TAOK3: variants seen among roughly 807,000 people sequenced by gnomAD.
TAOK3 encodes TAO kinase 3, also known as serine/threonine-protein kinase TAO3.
TAOK3 carries 40 observed loss-of-function variants against 120.4 expected under a neutral mutation model. That is an observed-to-expected ratio of 0.33 (90% CI 0.26 to 0.43). TAOK3 has a LOEUF of 0.43. Ranked by LOEUF, TAOK3 falls within the 20% of genes least tolerant of loss-of-function variation. TAOK3 has a pLI of 1.00. For missense variants in TAOK3, 821 were observed against 1,112.1 expected (o/e 0.74, Z 3.72); for synonymous variants, 355 against 387.5 (o/e 0.92, Z 0.99).
chr12:118,229,226 T>C (rs535820912), intron 9 of TAOK3, among the ~76,000 whole-genome samples: 127 of 151,976 alleles, frequency 8.4e-4, no homozygotes, highest in African/African-American at 3.0e-3. Flanking sequence ...TCAGCCTCCC[T>C]AGTAGCTGGG....
At chr12:118,249,671 A>G (rs1386753158) in intron 3 of TAOK3, among the ~76,000 whole-genome samples, 2 of 151,694 alleles carry the variant, frequency 1.3e-5, no homozygotes, top group Middle Eastern at 3.4e-3. Flanking sequence ...AAAAAATTAA[A>G]ACCAAAATTA....
At chr12:118,185,637 A>C (rs560316720) in intron 14 of TAOK3, among the ~76,000 whole-genome samples, 2 of 152,336 alleles carry the variant, frequency 1.3e-5, no homozygotes, top group East Asian at 3.9e-4. Context: ...CTGTTTTTTA[A>C]ATTTTTGCTA....
intron 1 of TAOK3, among the ~76,000 whole-genome samples, chr12:118,293,264 T>C (rs1176901181): frequency 6.6e-6 from 1 of 152,246 alleles, no homozygotes; most frequent in East Asian, 1.9e-4. Flanking sequence ...TGCCTCTATG[T>C]TCTTAAATTG....
chr12:118,187,164 T>C (rs2037126208), intron 14 of TAOK3, among the ~76,000 whole-genome samples: 1 of 152,246 alleles, frequency 6.6e-6, no homozygotes, highest in African/African-American at 2.4e-5. Context: ...TGTTCACCTT[T>C]GGACCTCTTT....
At chr12:118,299,578 C>T (rs570613561) in intron 1 of TAOK3, among the ~76,000 whole-genome samples, 29 of 152,186 alleles carry the variant, frequency 1.9e-4, no homozygotes, top group African/African-American at 6.3e-4. Context: ...GGCTCGATCT[C>T]GGCTCACTGC....
intron 13 of TAOK3, 27 bp downstream of exon 13, chr12:118,199,024 C>T (rs2037885832): frequency 1.2e-6 from 2 of 1,613,346 alleles, no homozygotes; most frequent in Non-Finnish European, 8.5e-7. Flanking sequence ...CAAAGCTCAC[C>T]TCTGTGGAGG....
chr12:118,208,412 A>G (rs1329549879), intron 11 of TAOK3, among the ~76,000 whole-genome samples: 1 of 92,150 alleles, frequency 1.1e-5, no homozygotes, highest in Non-Finnish European at 2.3e-5. Flanking sequence ...AAGAATGTCA[A>G]AAGAGAAATA....
At position 118,152,309 on chromosome 12, in the gene TAOK3, A is replaced by G. The variant is rs1486057400; in HGVS notation, c.2453T>C (p.Met818Thr). Residue 818 changes from methionine (M) to threonine (T), a missense_variant, in exon 20 of 21, where the codon ATG (methionine) becomes ACG (threonine). Around this residue, in one of 2 missense-constraint regions of TAOK3, gnomAD observed 354 missense variants for 572.1 expected, o/e 0.62. Coordinates refer to ENST00000392533, the MANE Select transcript of TAOK3 (RefSeq NM_016281.4). ...LLNAYQSKIK[M>T]QTEAQHEREL... ...ACGTTCATGTTGTGCCTCTGTTTGC[A>G]TCTTGATTTTGCTCTGGTAGGCGTT... The G allele has an allele frequency of 1.9e-6, 3 of 1,614,044 alleles. No individual in the cohort carries two copies. Among genetic ancestry groups the G allele is most frequent in the Non-Finnish European group, 2.5e-6 (3 of 1,180,040 alleles).
chr12:118,282,024 C>A (rs2042116940), intron 1 of TAOK3, among the ~76,000 whole-genome samples: 1 of 152,098 alleles, frequency 6.6e-6, no homozygotes, highest in African/African-American at 2.4e-5. Context: ...ATAGAAAATG[C>A]TAAATTTCAG....
intron 1 of TAOK3, among the ~76,000 whole-genome samples, chr12:118,349,221 A>G (rs2045025725): frequency 6.6e-6 from 1 of 152,274 alleles, no homozygotes; most frequent in Middle Eastern, 3.4e-3. Context: ...TTTTCATTTT[A>G]ATTATTTTAC....
intron 14 of TAOK3, among the ~76,000 whole-genome samples, chr12:118,184,480 A>G (rs1265789782): frequency 1.3e-5 from 2 of 152,240 alleles, no homozygotes; most frequent in African/African-American, 4.8e-5. Context: ...TATGGTTTAA[A>G]AAGTGCTTTC....
chr12:118,299,573 G>A (rs1397155924), intron 1 of TAOK3, among the ~76,000 whole-genome samples: 1 of 152,026 alleles, frequency 6.6e-6, no homozygotes, highest in Non-Finnish European at 1.5e-5. Flanking sequence ...GCAGTGGCTC[G>A]ATCTCGGCTC....
chr12:118,178,403 C>T (rs983576485), intron 15 of TAOK3, among the ~76,000 whole-genome samples: 5 of 152,182 alleles, frequency 3.3e-5, no homozygotes, highest in Non-Finnish European at 7.3e-5. Flanking sequence ...ACTATTCCAA[C>T]TATCAGATTT....
chr12:118,239,050 C>T (rs532216310), intron 6 of TAOK3, among the ~76,000 whole-genome samples, 177 bp downstream of exon 6: 2 of 152,230 alleles, frequency 1.3e-5, no homozygotes, highest in Admixed American at 6.5e-5. Context: ...AGACTGCTAA[C>T]ATCACTCAGA....
At chr12:118,306,603 CTT>C (rs2043061219) in intron 1 of TAOK3, among the ~76,000 whole-genome samples, 1 of 152,148 alleles carries the variant, frequency 6.6e-6, no homozygotes, top group Non-Finnish European at 1.5e-5. Flanking sequence ...CCCTCAAGTT[CTT>C]GAGTCTAAAA....
rs1295656573 is a variant in TAOK3, at chr12:118,315,383, T to A, written c.-193-48624A>T. On this transcript the variant is annotated intron_variant, in intron 1 of 20. Coordinates refer to ENST00000392533, the MANE Select transcript of TAOK3 (RefSeq NM_016281.4). Reference sequence around the variant, plus strand: ...ATATAGACACATTTCCAAAACACAATAAAGGAAAAACCAAGTTGAAGAATC... The same window carrying A: ...ATATAGACACATTTCCAAAACACAAAAAAGGAAAAACCAAGTTGAAGAATC... 3.3e-5 allele frequency among the ~76,000 whole-genome samples: 5 copies of A among 152,084 alleles called. No individual in the cohort carries two copies. In the East Asian group the frequency reaches 9.6e-4, roughly 29 times the overall value.
intron 8 of TAOK3, among the ~76,000 whole-genome samples, chr12:118,234,211 AATTTTTTTTTTTTTT>A (rs1565988744): frequency 1.1e-5 from 1 of 95,066 alleles, no homozygotes; most frequent in African/African-American, 3.6e-5. Context: ...TAAAGCAGGA[AATTTTTTTTTTTTTT>A]TTTTTTTTTT....
At chr12:118,195,315 C>A (rs2037660621) in intron 13 of TAOK3, among the ~76,000 whole-genome samples, 1 of 152,068 alleles carries the variant, frequency 6.6e-6, no homozygotes, top group South Asian at 2.1e-4. Context: ...AAAAATACAC[C>A]TTTTGATTAA....
intron 1 of TAOK3, among the ~76,000 whole-genome samples, chr12:118,348,640 C>G (rs1399992558): frequency 6.6e-6 from 1 of 151,854 alleles, no homozygotes; most frequent in African/African-American, 2.4e-5. Context: ...TTAGTAGAGA[C>G]AGGGTTTCAC....
Sources: gnomAD v4.1 joint callset for allele counts (sites outside exome capture counted in the v4.1 genomes callset) on GRCh38, gnomAD v4.1.1 for gene constraint, gnomAD v4.1.1 regional missense constraint, MANE v1.5 for transcripts, NCBI Gene and HGNC (gene_info 2026-07-23, HGNC 2026-07-21) for gene names.